Variants in ACTR6 observed in about 807,000 individuals in gnomAD.
The protein encoded by ACTR6 is actin-related protein 6.
Under a neutral mutation model 52.5 loss-of-function variants are expected in ACTR6, and 50 were observed. The observed-to-expected ratio is 0.95, with a 90% CI of 0.76 to 1.20. The LOEUF (loss-of-function observed/expected upper bound fraction) is 1.20, where lower values mean the gene tolerates loss of function less well. Among genes scored for constraint, ACTR6 ranks in the 50% most tolerant of loss-of-function variants. The pLI is 0.00. For synonymous variants in ACTR6, 135 were observed against 147.2 expected, an observed-to-expected ratio of 0.92 and a Z score of 0.60; for missense variants, 344 against 472.4, an observed-to-expected ratio of 0.73 and a Z score of 2.52.
At chr12:100,221,812 A>T (rs542754334) in intron 10 of ACTR6, 1 of 152,026 alleles carries the variant, frequency 6.6e-6, no homozygotes, top group Non-Finnish European at 1.5e-5. Context: ...AAAGAAGGAA[A>T]AAAGAAAGAA....
At chr12:100,217,649 A>G (rs1021715776) in intron 8 of ACTR6, among the ~76,000 whole-genome samples, 2 of 152,240 alleles carry the variant, frequency 1.3e-5, no homozygotes, top group Non-Finnish European at 2.9e-5. Context: ...AGTTTGTTAT[A>G]CATAGGCCTC....
chr12:100,214,742 A>T (rs1444556275), intron 8 of ACTR6, among the ~76,000 whole-genome samples: 1 of 152,084 alleles, frequency 6.6e-6, no homozygotes, highest in East Asian at 1.9e-4. Context: ...TCTCTTTAAA[A>T]ACAAAAGAAA....
At chr12:100,201,769 G>A (rs1477768862) in intron 1 of ACTR6, among the ~76,000 whole-genome samples, 3 of 152,122 alleles carry the variant, frequency 2.0e-5, no homozygotes, top group Non-Finnish European at 4.4e-5. Flanking sequence ...TTATAGGCGT[G>A]CACCACCACT....
chr12:100,212,277 A>G lies in ACTR6; in HGVS notation c.594A>G (p.Glu198=). ...ISYRQLHVMD[E]THVINQVKED... is the part of the protein sequence containing the mutation. ...TTAGGCAGCTACATGTTATGGATGA[A>G]ACACATGTGATTAATCAAGTGAAAG... The change falls in exon 7 of 11, where the codon GAA becomes GAG. Residue 198 remains glutamate, a synonymous_variant. Transcript: ENST00000188312. 2 of 1,609,832 alleles carry G rather than the reference A, an allele frequency of 1.2e-6. No homozygotes were observed. Among genetic ancestry groups the G allele is most frequent in the Non-Finnish European group, 1.7e-6 (2 of 1,178,492 alleles).
intron 10 of ACTR6, among the ~76,000 whole-genome samples, chr12:100,220,413 A>G (rs1242519618): frequency 6.6e-6 from 1 of 152,232 alleles, no homozygotes; most frequent in East Asian, 1.9e-4. Context: ...GTAGTAAATC[A>G]GCCTTGGTCC....
chr12:100,207,007 A>C (rs1190203930), intron 3 of ACTR6, among the ~76,000 whole-genome samples: 1 of 151,928 alleles, frequency 6.6e-6, no homozygotes, highest in Non-Finnish European at 1.5e-5. Flanking sequence ...GAAACATAAC[A>C]GCCCCAATAT....
intron 3 of ACTR6, among the ~76,000 whole-genome samples, chr12:100,205,976 T>C (rs1395785581): frequency 6.6e-6 from 1 of 152,212 alleles, no homozygotes; most frequent in Non-Finnish European, 1.5e-5. Flanking sequence ...CAATTCACTA[T>C]ATCATCTTAA....
chr12:100,223,653 G>A, intron 10 of ACTR6, 133 bp from the exon 11 acceptor site: 1 of 1,057,430 alleles, frequency 9.5e-7, no homozygotes, highest in Non-Finnish European at 1.4e-6. Flanking sequence ...CTGTTGGGTT[G>A]GGTAGAGCTT....
intron 2 of ACTR6, chr12:100,205,456 A>G (rs1448925310): frequency 3.1e-6 from 1 of 325,314 alleles, no homozygotes; most frequent in Non-Finnish European, 5.5e-6. Context: ...GTAAACCTGC[A>G]CGTTCTGCAC....
At chr12:100,206,969 G>A (rs115740104) in intron 3 of ACTR6, among the ~76,000 whole-genome samples, 401 of 151,598 alleles carry the variant, frequency 2.6e-3, no homozygotes, top group African/African-American at 9.0e-3. Context: ...CTGAGCCATC[G>A]TGCCTGACCT....
chr12:100,219,636 C>T (rs1380732224), intron 9 of ACTR6, among the ~76,000 whole-genome samples: 2 of 152,166 alleles, frequency 1.3e-5, no homozygotes, highest in Non-Finnish European at 2.9e-5. Flanking sequence ...TCTCAGCCTA[C>T]AGCAAGAACC....
At chr12:100,211,124 G>A (rs980680980) in intron 6 of ACTR6, among the ~76,000 whole-genome samples, 2 of 152,180 alleles carry the variant, frequency 1.3e-5, no homozygotes, top group African/African-American at 4.8e-5. Flanking sequence ...TAGTAGCTGG[G>A]ATTACTGACC....
At chr12:100,201,081 G>T (rs1194133241) in intron 1 of ACTR6, 162 bp downstream of exon 1, 13 of 1,462,054 alleles carry the variant, frequency 8.9e-6, no homozygotes, top group South Asian at 5.4e-5. Flanking sequence ...GTGATGCTTT[G>T]AATTGAAATT....
At chr12:100,209,012 G>T in intron 4 of ACTR6, 1 of 309,292 alleles carries the variant, frequency 3.2e-6, no homozygotes, top group Non-Finnish European at 6.3e-6. Context: ...CTCCCATAGT[G>T]CTGGGATTAT....
chr12:100,207,127 C>G (rs2096115506), intron 3 of ACTR6, among the ~76,000 whole-genome samples: 1 of 152,002 alleles, frequency 6.6e-6, no homozygotes, highest in African/African-American at 2.4e-5. Flanking sequence ...AATCATGGCT[C>G]ACTGCAGCCT....
intron 3 of ACTR6, among the ~76,000 whole-genome samples, chr12:100,207,327 C>T (rs879365196): frequency 2.0e-5 from 3 of 152,110 alleles, no homozygotes; most frequent in East Asian, 1.9e-4. Context: ...ACGTCAGCCT[C>T]CCAAAGTGCT....
At chr12:100,207,574 G>T in intron 3 of ACTR6, 89 bp from the exon 4 acceptor site, 1 of 1,185,742 alleles carries the variant, frequency 8.4e-7, no homozygotes, top group Non-Finnish European at 1.1e-6. Context: ...CGATTATTGT[G>T]AGGATTAAAT....
rs1436981538 is a variant in ACTR6 at position 100,218,032 on chromosome 12, G to A, written c.751-383G>A. Among the ~76,000 whole-genome samples, 1 of 151,788 alleles carries A rather than the reference G, an allele frequency of 6.6e-6. No individual in the cohort carries two copies. The highest frequency in any genetic ancestry group is 1.5e-5 in the Non-Finnish European group (1 of 67,960). On this transcript the variant is annotated intron_variant, in intron 8 of 10. Transcript: ENST00000188312. This position sits in a 1 kb window ranked among gnomAD's most constrained non-coding sequence, Gnocchi z 4.2. ...TTTGTTTTGTTTTTTAAGAGACGGG[G>A]GTCTCGCTATGTTTCCCAGGCTGTC... is the stretch of plus-strand genomic sequence containing the variant.
Position 100,224,060 on chromosome 12 carries a change from G to C in ACTR6, c.*145G>C, listed in dbSNP as rs912536860. On this transcript the variant is annotated 3_prime_UTR_variant, in exon 11 of 11. Coordinates refer to ENST00000188312, the MANE Select transcript of ACTR6 (RefSeq NM_022496.5). ...TTTGATCGATTGCTAATTTTCAAAG[G>C]CTTCTTAGGTAGGTTACTACAGTAA... 5 of 888,920 alleles carry C rather than the reference G, an allele frequency of 5.6e-6. No individual in the cohort carries two copies. Among genetic ancestry groups the C allele is most frequent in the Non-Finnish European group, 6.4e-6 (4 of 620,888 alleles). 55.1% of individuals were successfully genotyped at this position (888,920 alleles called of 1,614,324 possible). A position where few individuals can be genotyped will look rare whatever the true frequency, so the allele number is the denominator to read the frequency against.
Sources: allele counts gnomAD v4.1 joint callset (sites outside exome capture counted in the v4.1 genomes callset), GRCh38; gene constraint gnomAD v4.1.1; non-coding constraint Gnocchi (gnomAD v3.1); transcripts MANE v1.5; gene names NCBI Gene and HGNC (gene_info 2026-07-23, HGNC 2026-07-21).